CSF2RA: variants seen among roughly 807,000 people sequenced by gnomAD.
CSF2RA encodes the protein colony stimulating factor 2 receptor subunit alpha.
In CSF2RA, 42 loss-of-function variants were observed where a neutral mutation model predicts 51.6. The ratio of observed to expected loss-of-function variants is 0.81; its 90% CI spans 0.64 to 1.05. The LOEUF (loss-of-function observed/expected upper bound fraction) is 1.05, where lower values mean the gene tolerates loss of function less well. CSF2RA is among the 50% of genes least tolerant of loss of function. The pLI, the probability that CSF2RA is intolerant of heterozygous loss-of-function variation, is 0.00. For synonymous variants in CSF2RA, 222 were observed against 193.0 expected (o/e 1.15, Z -1.24); for missense variants, 530 against 501.1 (o/e 1.06, Z -0.55).
intron 10 of CSF2RA, among the ~76,000 whole-genome samples, chrX:1,300,925 C>T (rs763756595): frequency 2.4e-4 from 37 of 151,424 alleles, no homozygotes; most frequent in Admixed American, 1.8e-3. Flanking sequence ...AGGCTGAGGC[C>T]GGCGGATCAC....
chrX:1,282,954 T>A (rs1454008950), intron 3 of CSF2RA, among the ~76,000 whole-genome samples, 175 bp downstream of exon 3: 1 of 152,104 alleles, frequency 6.6e-6, no homozygotes, highest in East Asian at 1.9e-4. Context: ...TCTCACCTCC[T>A]TTTCTGCTGT....
intron 7 of CSF2RA, 75 bp downstream of exon 7, chrX:1,290,584 G>C: frequency 1.4e-6 from 2 of 1,431,512 alleles, no homozygotes; most frequent in Non-Finnish European, 2.0e-6. Context: ...TGTAACTGAG[G>C]CCACGTGCGG....
chrX:1,300,391 GA>G (rs2092290237), intron 9 of CSF2RA, 99 bp from the exon 10 acceptor site: 5 of 1,411,076 alleles, frequency 3.5e-6, no homozygotes, highest in Non-Finnish European at 4.9e-6. Flanking sequence ...AAGAAAAAAA[GA>G]AAAGGAGAAA....
At chrX:1,298,824 A>T (rs775674196) in intron 9 of CSF2RA, among the ~76,000 whole-genome samples, 32 of 151,406 alleles carry the variant, frequency 2.1e-4, no homozygotes, top group Admixed American at 1.4e-3. Context: ...TCAGGAGGAG[A>T]CCCCACCTCA....
At chrX:1,287,012 TGATC>T (rs2090755785) in intron 4 of CSF2RA, among the ~76,000 whole-genome samples, 1 of 151,836 alleles carries the variant, frequency 6.6e-6, no homozygotes, top group South Asian at 2.1e-4. Flanking sequence ...GAAATATGGA[TGATC>T]GATAGATAGG....
intron 10 of CSF2RA, 121 bp downstream of exon 10, chrX:1,300,747 T>C: frequency 1.6e-6 from 2 of 1,278,258 alleles, no homozygotes; most frequent in Non-Finnish European, 2.3e-6. Context: ...CTGGGAGTAG[T>C]GTCAGGCTCT....
At chrX:1,306,834 CAG>C (rs2083618759) in intron 12 of CSF2RA, among the ~76,000 whole-genome samples, 1 of 146,668 alleles carries the variant, frequency 6.8e-6, no homozygotes, top group Admixed American at 6.8e-5. Flanking sequence ...GAGAGAGAAA[CAG>C]AGAGACATAG....
intron 2 of CSF2RA, among the ~76,000 whole-genome samples, chrX:1,281,081 CTT>C (rs2089963101): frequency 1.4e-5 from 1 of 69,618 alleles, no homozygotes; most frequent in African/African-American, 5.4e-5. Context: ...CCTCCTCCTC[CTT>C]CTCCTCCTGC....
chrX:1,308,368 TGA>T (rs1407409278), intron 12 of CSF2RA, among the ~76,000 whole-genome samples: 1 of 148,858 alleles, frequency 6.7e-6, no homozygotes, highest in Non-Finnish European at 1.5e-5. Flanking sequence ...TGGAAGAAGG[TGA>T]GAGGGGGAGG....
chrX:1,269,537 C>A (rs1384990685), intron 1 of CSF2RA, among the ~76,000 whole-genome samples: 2 of 151,466 alleles, frequency 1.3e-5, no homozygotes, highest in Non-Finnish European at 2.9e-5. Context: ...GCAGGAGAAT[C>A]GTTTGAACCC....
At chrX:1,269,835 C>T (rs1311151321) in intron 1 of CSF2RA, among the ~76,000 whole-genome samples, 15 of 150,794 alleles carry the variant, frequency 9.9e-5, no homozygotes, top group African/African-American at 3.4e-4. Flanking sequence ...GGGCCGGGCA[C>T]GGTGGCTCAT....
intron 9 of CSF2RA, among the ~76,000 whole-genome samples, chrX:1,298,898 T>G (rs1291230012): frequency 6.6e-6 from 1 of 151,992 alleles, no homozygotes; most frequent in Non-Finnish European, 1.5e-5. Context: ...GGATCCAGTG[T>G]AGACAGGAGA....
chrX:1,322,043 G>T, the CSF2RA span, among the ~76,000 whole-genome samples: 1 of 151,992 alleles, frequency 6.6e-6, no homozygotes, highest in Non-Finnish European at 1.5e-5. Context: ...GCTGAGGCAG[G>T]AGCATTGCTT....
At chrX:1,280,529 A>AG (rs1387883619) in intron 2 of CSF2RA, among the ~76,000 whole-genome samples, 3 of 151,850 alleles carry the variant, frequency 2.0e-5, no homozygotes, top group African/African-American at 7.2e-5. Flanking sequence ...TGGTCCATAA[A>AG]GGCGGGACAA....
intron 10 of CSF2RA, among the ~76,000 whole-genome samples, chrX:1,301,791 A>AGAC (rs1343462524): frequency 1.4e-5 from 2 of 147,266 alleles, no homozygotes; most frequent in African/African-American, 5.0e-5. Flanking sequence ...TTTTTAGTAG[A>AGAC]GACAGGGTTT....
At chrX:1,301,635 G>C (rs1448929630) in intron 10 of CSF2RA, among the ~76,000 whole-genome samples, 7 of 118,910 alleles carry the variant, frequency 5.9e-5, no homozygotes, top group African/African-American at 2.3e-4. Flanking sequence ...TTTCGCTCTT[G>C]TCGCAGGCTG....
intron 1 of CSF2RA, among the ~76,000 whole-genome samples, chrX:1,271,044 A>C (rs1189632460): frequency 1.3e-5 from 2 of 151,738 alleles, no homozygotes. Context: ...AGATTAAATT[A>C]TTACAAATTT....
chrX:1,304,934 G>C (rs1336782495), intron 11 of CSF2RA, among the ~76,000 whole-genome samples: 1 of 150,182 alleles, frequency 6.7e-6, no homozygotes, highest in African/African-American at 2.5e-5. Flanking sequence ...CAAAGTGCTG[G>C]GATTACAGGT....
At chrX:1,302,687 T>TTTTA (rs751921465) in intron 10 of CSF2RA, among the ~76,000 whole-genome samples, 222 of 149,166 alleles carry the variant, frequency 1.5e-3, no homozygotes, top group African/African-American at 5.0e-3. Context: ...GTATTTTTCT[T>TTTTA]TTTATTTATT....
Sources: allele counts gnomAD v4.1 joint callset (sites outside exome capture counted in the v4.1 genomes callset), GRCh38; gene constraint gnomAD v4.1.1; transcripts MANE v1.5; gene names NCBI Gene and HGNC (gene_info 2026-07-23, HGNC 2026-07-21).